ARHGAP42: variants seen among roughly 807,000 people sequenced by gnomAD.
ARHGAP42 encodes the protein rho GTPase-activating protein 42.
In ARHGAP42, 63 loss-of-function variants were observed where a neutral mutation model predicts 125.0. The ratio of observed to expected loss-of-function variants is 0.50; its 90% CI spans 0.41 to 0.62. The LOEUF (loss-of-function observed/expected upper bound fraction) is 0.62. Ranked by LOEUF, ARHGAP42 falls within the 20% of genes least tolerant of loss-of-function variation. The pLI is 0.00. For missense variants in ARHGAP42, 766 were observed against 1,024.2 expected (o/e 0.75, Z 3.44); for synonymous variants, 339 against 351.0 (o/e 0.97, Z 0.38).
chr11:100,794,737 T>C (rs1295194288), intron 2 of ARHGAP42, among the ~76,000 whole-genome samples: 1 of 152,242 alleles, frequency 6.6e-6, no homozygotes, highest in Non-Finnish European at 1.5e-5. Context: ...TGTTTGGTTA[T>C]TTGTAGGTCA....
intron 6 of ARHGAP42, among the ~76,000 whole-genome samples, chr11:100,932,752 T>C (rs530012106): frequency 6.6e-6 from 1 of 152,228 alleles, no homozygotes; most frequent in Non-Finnish European, 1.5e-5. Context: ...TGGGTACTTC[T>C]TATCTGTGAT....
intron 4 of ARHGAP42, among the ~76,000 whole-genome samples, chr11:100,862,829 G>A (rs570130366): frequency 3.9e-4 from 59 of 151,972 alleles, no homozygotes; most frequent in African/African-American, 1.3e-3. Flanking sequence ...TCGGGAGTTC[G>A]AGACCAGCCT....
At chr11:100,986,158 A>C (rs1858673849) in intron 22 of ARHGAP42, 1 of 453,196 alleles carries the variant, frequency 2.2e-6, no homozygotes. Context: ...TAAAAATATC[A>C]GCAATAATAA....
chr11:100,824,354 G>T (rs2135081645), intron 3 of ARHGAP42, among the ~76,000 whole-genome samples: 1 of 152,260 alleles, frequency 6.6e-6, no homozygotes, highest in South Asian at 2.1e-4. Context: ...CTGTTTTTCA[G>T]TCATAGACTA....
At chr11:100,699,514 T>A (rs1353549231) in intron 1 of ARHGAP42, among the ~76,000 whole-genome samples, 28 of 60,632 alleles carry the variant, frequency 4.6e-4, no homozygotes, top group African/African-American at 1.3e-3. Context: ...ATATTTTTTT[T>A]TTTTTTTTTT....
intron 3 of ARHGAP42, among the ~76,000 whole-genome samples, chr11:100,856,125 G>A (rs1865317068): frequency 1.3e-5 from 2 of 151,974 alleles, no homozygotes; most frequent in Non-Finnish European, 2.9e-5. Flanking sequence ...CTTTTGGAAG[G>A]AATTTCATCA....
chr11:100,992,460 A>T lies in ARHGAP42; in HGVS notation c.*3659A>T, dbSNP rs1276472562. ...ACATTGCTATTTAACTTTGCCTCCTACCCTTTTTTGTTACCTTCCAAAATC... is the reference window on the plus strand; with the variant it reads ...ACATTGCTATTTAACTTTGCCTCCTTCCCTTTTTTGTTACCTTCCAAAATC... On this transcript the variant is annotated 3_prime_UTR_variant, in exon 24 of 24. Transcript: ENST00000298815. The T allele has an allele frequency of 6.2e-7, 1 of 1,614,022 alleles. No homozygotes were observed. Among genetic ancestry groups the T allele is most frequent in the South Asian group, 1.1e-5 (1 of 91,082 alleles).
chr11:100,759,792 A>G (rs1042883899), intron 1 of ARHGAP42, among the ~76,000 whole-genome samples: 10 of 152,268 alleles, frequency 6.6e-5, no homozygotes, highest in African/African-American at 2.4e-4. Context: ...TTACCTCAAT[A>G]TATGCATTTA....
Position 100,793,303 on chromosome 11 carries a change from T to C in ARHGAP42, c.251-1802T>C, listed in dbSNP as rs142558219. Among the ~76,000 whole-genome samples the C allele has an allele frequency of 5.3e-5, 8 of 152,314 alleles. No homozygotes were observed. The East Asian group carries it at 1.5e-3, about 29-fold the overall frequency. ...TTATACACTCCAGTTAAAATATTCT[T>C]TCTATTTATATAATAATTTTTTGTT... On this transcript the variant is annotated intron_variant, in intron 2 of 23. Transcript: ENST00000298815.
chr11:100,865,493 A>G lies in ARHGAP42; in HGVS notation c.384+5868A>G, dbSNP rs1865547978. On this transcript the variant is annotated intron_variant, in intron 4 of 23. Transcript: ENST00000298815. Reference sequence around the variant, plus strand: ...TAAATTATCCAAAATGAAAATTGAGAAAACAATCCCCTTTATAATAGCAAT... The same window carrying G: ...TAAATTATCCAAAATGAAAATTGAGGAAACAATCCCCTTTATAATAGCAAT... 2.0e-5 allele frequency among the ~76,000 whole-genome samples: 3 copies of G among 152,220 alleles called. No individual in the cohort carries two copies. The South Asian group carries it at 6.2e-4, about 31-fold the overall frequency.
intron 1 of ARHGAP42, among the ~76,000 whole-genome samples, chr11:100,767,379 T>G (rs1267912578): frequency 6.6e-6 from 1 of 152,210 alleles, no homozygotes; most frequent in African/African-American, 2.4e-5. Flanking sequence ...CTAACCCAGT[T>G]AATCTGCCTT....
intron 22 of ARHGAP42, 106 bp from the exon 23 acceptor site, chr11:100,987,407 G>T: frequency 2.2e-6 from 2 of 911,012 alleles, no homozygotes; most frequent in Non-Finnish European, 3.5e-6. Context: ...TGTACATTAT[G>T]TTCCAATTAC....
intron 1 of ARHGAP42, among the ~76,000 whole-genome samples, chr11:100,748,833 G>A (rs916977756): frequency 3.3e-5 from 5 of 152,208 alleles, no homozygotes; most frequent in Non-Finnish European, 7.3e-5. Flanking sequence ...GGGTCACGGA[G>A]AAGACCTTCA....
intron 17 of ARHGAP42, among the ~76,000 whole-genome samples, chr11:100,968,005 A>G (rs1318748713): frequency 1.3e-5 from 2 of 152,184 alleles, no homozygotes; most frequent in Admixed American, 6.5e-5. Flanking sequence ...TACAGGCATG[A>G]GCCACCACAC....
At chr11:100,981,256 T>C (rs1858538313) in intron 22 of ARHGAP42, among the ~76,000 whole-genome samples, 2 of 152,204 alleles carry the variant, frequency 1.3e-5, no homozygotes, top group South Asian at 4.1e-4. Context: ...TAATAACTAT[T>C]ATCATAATTA....
intron 1 of ARHGAP42, among the ~76,000 whole-genome samples, chr11:100,715,249 T>TA (rs1565538808): frequency 6.6e-6 from 1 of 152,126 alleles, no homozygotes; most frequent in Non-Finnish European, 1.5e-5. Flanking sequence ...GAGATCTCCC[T>TA]ACGCATTCAT....
Position 100,917,012 on chromosome 11 carries a change from AGTTTGTGTGTGT to A in ARHGAP42, c.486+3462_486+3473del, listed in dbSNP as rs1324314493. ...TATTATACAGGTTTGTTTTAAAATA[AGTTTGTGTGTGT>A]GTGTGTGTGTGTGTGTGTGTGTGTG... On this transcript the variant is annotated intron_variant, in intron 5 of 23. Coordinates refer to ENST00000298815, the MANE Select transcript of ARHGAP42 (RefSeq NM_152432.4). Among the ~76,000 whole-genome samples, 4 of 53,794 alleles carry A rather than the reference AGTTTGTGTGTGT, an allele frequency of 7.4e-5. No individual in the cohort carries two copies. In the East Asian group the frequency reaches 2.3e-3, roughly 31 times the overall value. The allele number at this position is 53,794 out of a possible 152,430, so 35.3% of individuals were successfully genotyped here.
At chr11:100,878,461 C>T (rs915622463) in intron 4 of ARHGAP42, among the ~76,000 whole-genome samples, 2 of 152,148 alleles carry the variant, frequency 1.3e-5, no homozygotes, top group African/African-American at 4.8e-5. Context: ...AACTGTGGTC[C>T]AATTACTAAT....
rs981285388 is a variant in ARHGAP42 at position 100,991,582 on chromosome 11, G to T, written c.*2781G>T. 2.0e-5 allele frequency: 3 copies of T among 152,106 alleles called. No individual in the cohort carries two copies. The highest frequency in any genetic ancestry group is 7.2e-5 in the African/African-American group (3 of 41,404). The allele number at this position is 152,106 out of a possible 1,614,324, so 9.4% of individuals were successfully genotyped here. On this transcript the variant is annotated 3_prime_UTR_variant, in exon 24 of 24. Coordinates refer to ENST00000298815, the MANE Select transcript of ARHGAP42 (RefSeq NM_152432.4). The stretch of plus-strand genomic sequence containing the variant: ...AAATATCCCTCAGTACAAAACATTT[G>T]TGTGTTTCACAGATGACTCTCTTGT...
Sources: gnomAD v4.1 joint callset for allele counts (sites outside exome capture counted in the v4.1 genomes callset) on GRCh38, gnomAD v4.1.1 for gene constraint, MANE v1.5 for transcripts, NCBI Gene and HGNC (gene_info 2026-07-23, HGNC 2026-07-21) for gene names.